TENM3: variants seen among roughly 807,000 people sequenced by gnomAD.
TENM3 encodes teneurin-3.
TENM3 carries 63 observed loss-of-function variants against 255.1 expected under a neutral mutation model. The observed-to-expected ratio is 0.25, with a 90% CI of 0.20 to 0.30. TENM3 has a LOEUF of 0.30. Among genes scored for constraint, TENM3 ranks in the 10% least tolerant of loss-of-function variants. The pLI is 1.00. For missense variants in TENM3, 2,929 were observed against 3,461.1 expected (o/e 0.85, Z 3.86); for synonymous variants, 1,306 against 1,322.3 (o/e 0.99, Z 0.27).
At chr4:181,639,223 G>C in the TENM3 span, among the ~76,000 whole-genome samples, 1 of 152,038 alleles carries the variant, frequency 6.6e-6, no homozygotes, top group South Asian at 2.1e-4. Flanking sequence ...AATGTAACCA[G>C]GCATAATAAC....
the TENM3 span, among the ~76,000 whole-genome samples, chr4:181,731,214 T>A: frequency 6.6e-6 from 1 of 152,256 alleles, no homozygotes; most frequent in Non-Finnish European, 1.5e-5. Context: ...TCTGCATAAC[T>A]GTATTAAATA....
the TENM3 span, among the ~76,000 whole-genome samples, chr4:181,453,139 C>T: frequency 1.3e-5 from 2 of 152,088 alleles, no homozygotes; most frequent in Non-Finnish European, 2.9e-5. Flanking sequence ...AATAGCTGTG[C>T]AAGGAACAAA....
intron 3 of TENM3, among the ~76,000 whole-genome samples, chr4:182,436,572 G>C (rs1480018027): frequency 6.6e-6 from 1 of 152,192 alleles, no homozygotes; most frequent in African/African-American, 2.4e-5. Flanking sequence ...TTGGAAAAGA[G>C]AGATCTTGCA....
At chr4:182,066,815 G>C in the TENM3 span, among the ~76,000 whole-genome samples, 1 of 152,106 alleles carries the variant, frequency 6.6e-6, no homozygotes. Flanking sequence ...GGAGGCTGAG[G>C]CAGGAGAATG....
the TENM3 span, among the ~76,000 whole-genome samples, chr4:181,572,552 C>T: frequency 6.6e-6 from 1 of 151,814 alleles, no homozygotes; most frequent in Non-Finnish European, 1.5e-5. Flanking sequence ...CAGTTTCACA[C>T]TTTTTTTTGT....
At chr4:182,504,473 A>G (rs570822498) in intron 3 of TENM3, among the ~76,000 whole-genome samples, 3 of 152,310 alleles carry the variant, frequency 2.0e-5, no homozygotes, top group Admixed American at 6.5e-5. Flanking sequence ...GTTGGAGTAA[A>G]TGAATTACTT....
At chr4:181,682,983 A>T in the TENM3 span, among the ~76,000 whole-genome samples, 1 of 152,012 alleles carries the variant, frequency 6.6e-6, no homozygotes, top group South Asian at 2.1e-4. Context: ...GGAGGCAGAG[A>T]TGGAATGATC....
At chr4:181,815,462 C>CAA in the TENM3 span, among the ~76,000 whole-genome samples, 3,411 of 81,976 alleles carry the variant, frequency 0.042, 132 homozygotes, top group South Asian at 0.078. Flanking sequence ...GACTCCCTAT[C>CAA]AAAAAAAAAA....
At chr4:181,690,044 T>A in the TENM3 span, among the ~76,000 whole-genome samples, 1 of 152,260 alleles carries the variant, frequency 6.6e-6, no homozygotes, top group African/African-American at 2.4e-5. Context: ...AACGTGTCAA[T>A]CTCAGATAAA....
At chr4:182,658,323 A>T (rs561729585) in intron 6 of TENM3, among the ~76,000 whole-genome samples, 23 of 152,260 alleles carry the variant, frequency 1.5e-4, no homozygotes, top group Non-Finnish European at 2.9e-4. Flanking sequence ...CGTCTACCTG[A>T]TCCCTAAATA....
chr4:181,545,020 C>T, the TENM3 span, among the ~76,000 whole-genome samples: 1 of 152,274 alleles, frequency 6.6e-6, no homozygotes, highest in East Asian at 1.9e-4. Context: ...AAGGTGGCAT[C>T]GCTGCTGGCA....
At chr4:181,553,264 TG>T in the TENM3 span, among the ~76,000 whole-genome samples, 1 of 56,494 alleles carries the variant, frequency 1.8e-5, no homozygotes, top group African/African-American at 5.2e-5. Context: ...TCATTAAGTG[TG>T]TGTGTGTGTG....
intron 3 of TENM3, among the ~76,000 whole-genome samples, chr4:182,500,938 A>C (rs1220975719): frequency 1.3e-5 from 2 of 152,108 alleles, no homozygotes; most frequent in Non-Finnish European, 2.9e-5. Context: ...TGCATATTTG[A>C]GTGGAAAAAG....
the TENM3 span, among the ~76,000 whole-genome samples, chr4:181,777,988 C>A: frequency 1.3e-5 from 2 of 152,082 alleles, no homozygotes; most frequent in African/African-American, 4.8e-5. Flanking sequence ...CTTTTACCTA[C>A]CCGTTACTTA....
At chr4:181,919,921 C>T in the TENM3 span, among the ~76,000 whole-genome samples, 61 of 123,538 alleles carry the variant, frequency 4.9e-4, 1 homozygote, top group African/African-American at 1.8e-3. Context: ...GTGTGATGTT[C>T]CCCTTCCTGT....
At chr4:182,251,993 G>A (rs1051539486) in intron 1 of TENM3, among the ~76,000 whole-genome samples, 1 of 152,046 alleles carries the variant, frequency 6.6e-6, no homozygotes, top group Non-Finnish European at 1.5e-5. Context: ...GACCAGCCTG[G>A]CCAACATGGT....
chr4:181,620,045 G>A, the TENM3 span, among the ~76,000 whole-genome samples: 13 of 152,056 alleles, frequency 8.5e-5, no homozygotes, highest in Middle Eastern at 3.4e-3. Context: ...CAGATCACTC[G>A]AGCCCAGGAG....
At chr4:182,577,830 A>G (rs1745086111) in intron 3 of TENM3, among the ~76,000 whole-genome samples, 2 of 152,174 alleles carry the variant, frequency 1.3e-5, no homozygotes, top group African/African-American at 4.8e-5. Context: ...TGGTACACAT[A>G]AATATCCTAA....
chr4:182,580,365 A>G (rs948145751), intron 3 of TENM3, among the ~76,000 whole-genome samples: 4 of 152,178 alleles, frequency 2.6e-5, no homozygotes, highest in African/African-American at 9.7e-5. Context: ...CATGTACGAC[A>G]TTATCTCCGA....
Sources: gnomAD v4.1 joint callset for allele counts (sites outside exome capture counted in the v4.1 genomes callset) on GRCh38, gnomAD v4.1.1 for gene constraint, MANE v1.5 for transcripts, NCBI Gene and HGNC (gene_info 2026-07-23, HGNC 2026-07-21) for gene names.